Variants in PCDHGA4 observed in about 807,000 individuals in gnomAD.
The protein encoded by PCDHGA4 is protocadherin gamma subfamily A, 4.
Under a neutral mutation model 54.6 loss-of-function variants are expected in PCDHGA4, and 38 were observed. That is an observed-to-expected ratio of 0.70 (90% CI 0.54 to 0.91). The LOEUF is 0.91. PCDHGA4 is among the 40% of genes least tolerant of loss of function. The pLI is 0.00. For synonymous variants in PCDHGA4, 511 were observed against 512.9 expected, an observed-to-expected ratio of 1.00 and a Z score of 0.05; for missense variants, 1,298 against 1,220.9, an observed-to-expected ratio of 1.06 and a Z score of -0.94.
At chr5:141,360,983 A>G in intron 1 of PCDHGA4, 2 of 1,613,804 alleles carry the variant, frequency 1.2e-6, no homozygotes, top group Non-Finnish European at 1.7e-6. Flanking sequence ...TCCTTTCATA[A>G]TGTGGACGAA....
In PCDHGA4 at chr5:141,476,574, G is replaced by C. The variant is rs746783993; in HGVS notation, c.2515-18233G>C. The C allele has an allele frequency of 1.1e-5, 18 of 1,614,084 alleles. No homozygotes were observed. The Admixed American group carries it at 1.8e-4, about 16-fold the overall frequency. On this transcript the variant is annotated intron_variant, in intron 1 of 3. Coordinates refer to ENST00000571252, the MANE Select transcript of PCDHGA4 (RefSeq NM_018917.4). The surrounding 1 kb of genome is among the most constrained non-coding windows in gnomAD (Gnocchi z 7.6). ...AGCGAGGCCGTGGCTCCGGGGACGC[G>C]CTTTCCGCTCGAGAGCGCGCACGAT...
chr5:141,458,367 G>A (rs1297876142), intron 1 of PCDHGA4, among the ~76,000 whole-genome samples: 2 of 152,130 alleles, frequency 1.3e-5, no homozygotes, highest in African/African-American at 2.4e-5. Context: ...AGAAGGAAGG[G>A]AGAAGAGAGA....
In PCDHGA4 at chr5:141,432,677, C is replaced by T. The variant is rs1241190176; in HGVS notation, c.2515-62130C>T. On this transcript the variant is annotated intron_variant, in intron 1 of 3. Transcript: ENST00000571252. This position sits in a 1 kb window ranked among gnomAD's most constrained non-coding sequence, Gnocchi z 6.0. ...CCTGCTGGACAGAGACGCGCTCAAGCAGAGCCTCGTAGTGGCCGTCCAGGA... is the reference window on the plus strand; with the variant it reads ...CCTGCTGGACAGAGACGCGCTCAAGTAGAGCCTCGTAGTGGCCGTCCAGGA... The T allele has an allele frequency of 1.2e-6, 2 of 1,613,942 alleles. No individual in the cohort carries two copies. The highest frequency in any genetic ancestry group is 1.1e-5 in the South Asian group (1 of 91,076).
intron 1 of PCDHGA4, chr5:141,366,752 G>A: frequency 1.2e-6 from 2 of 1,607,644 alleles, no homozygotes; most frequent in Non-Finnish European, 1.7e-6. Flanking sequence ...GCGAGTTCAG[G>A]TTAGTTTTCT....
At chr5:141,495,771 C>T (rs941051365) in intron 2 of PCDHGA4, among the ~76,000 whole-genome samples, 1 of 152,110 alleles carries the variant, frequency 6.6e-6, no homozygotes, top group Non-Finnish European at 1.5e-5. Flanking sequence ...TGTCCTTGTC[C>T]TGGACCTCTT....
In PCDHGA4 at chr5:141,431,354, G is replaced by T. The variant is rs777198567; in HGVS notation, c.2515-63453G>T. The T allele has an allele frequency of 1.9e-6, 3 of 1,614,036 alleles. No individual in the cohort carries two copies. In the South Asian group the frequency reaches 3.3e-5, roughly 18 times the overall value. ...GTACCCCGAATTGGTGCTGAAACGC[G>T]CCCTGGACCGCGAAGAAAAGGCTGC... On this transcript the variant is annotated intron_variant, in intron 1 of 3. Coordinates refer to ENST00000571252, the MANE Select transcript of PCDHGA4 (RefSeq NM_018917.4). This position sits in a 1 kb window ranked among gnomAD's most constrained non-coding sequence, Gnocchi z 4.8.
intron 1 of PCDHGA4, chr5:141,423,597 G>A: frequency 6.2e-7 from 1 of 1,613,188 alleles, no homozygotes; most frequent in Non-Finnish European, 8.5e-7. Context: ...AGAAAAGCGA[G>A]CCACTCTTGA....
Position 141,487,333 on chromosome 5 carries a change from C to T in PCDHGA4, c.2515-7474C>T. 6.2e-7 allele frequency: 1 copy of T among 1,614,176 alleles called. No homozygotes were observed. The highest frequency in any genetic ancestry group is 8.5e-7 in the Non-Finnish European group (1 of 1,180,022). On this transcript the variant is annotated intron_variant, in intron 1 of 3. Transcript: ENST00000571252. The surrounding 1 kb of genome is among the most constrained non-coding windows in gnomAD (Gnocchi z 5.0). ...TCTCTAAGTGTCTTCGTGGGGCAGC[C>T]TGTGGAGTCACATGCTTTCCTGCTG...
In PCDHGA4 at chr5:141,477,101, G is replaced by A. The variant is rs770640663; in HGVS notation, c.2515-17706G>A. On this transcript the variant is annotated intron_variant, in intron 1 of 3. Transcript: ENST00000571252. The surrounding 1 kb of genome is among the most constrained non-coding windows in gnomAD (Gnocchi z 4.9). ...TTACATCCAGGCCAAAGACAAGGGC[G>A]CCAATCCCGAAGGAGCACATTGCAA... 2 of 1,614,262 alleles carry A rather than the reference G, an allele frequency of 1.2e-6. No individual in the cohort carries two copies. Among genetic ancestry groups the A allele is most frequent in the East Asian group, 2.2e-5 (1 of 44,884 alleles).
rs200576950 is a variant in PCDHGA4 at position 141,477,475 on chromosome 5, C to T, written c.2515-17332C>T. The T allele has an allele frequency of 1.2e-6, 2 of 1,614,124 alleles. No individual in the cohort carries two copies. Among genetic ancestry groups the T allele is most frequent in the African/African-American group, 2.7e-5 (2 of 75,010 alleles). ...TTCAAGTGTCCGACATCAATGACAACCCTCCACAATCTTCTCAATCTTCCT... is the reference window on the plus strand; with the variant it reads ...TTCAAGTGTCCGACATCAATGACAATCCTCCACAATCTTCTCAATCTTCCT... On this transcript the variant is annotated intron_variant, in intron 1 of 3. Transcript: ENST00000571252. The surrounding 1 kb of genome is among the most constrained non-coding windows in gnomAD (Gnocchi z 4.9).
At chr5:141,418,899 T>C (rs1320380997) in intron 1 of PCDHGA4, 1 of 1,613,944 alleles carries the variant, frequency 6.2e-7, no homozygotes. Flanking sequence ...AGCCCAGAAA[T>C]AATCATCACG....
chr5:141,365,320 C>A (rs1763848662), intron 1 of PCDHGA4: 1 of 1,613,992 alleles, frequency 6.2e-7, no homozygotes, highest in Non-Finnish European at 8.5e-7. Flanking sequence ...TTGTTGCCAG[C>A]GCTAAGGTGG....
chr5:141,381,826 C>CTTCTT (rs1777532522), intron 1 of PCDHGA4, among the ~76,000 whole-genome samples: 13 of 74,294 alleles, frequency 1.7e-4, no homozygotes, highest in South Asian at 5.2e-4. Context: ...CTTTCTTCTT[C>CTTCTT]TTTTTTTTTT....
At chr5:141,364,465 CG>C in intron 1 of PCDHGA4, 1 of 1,613,982 alleles carries the variant, frequency 6.2e-7, no homozygotes, top group South Asian at 1.1e-5. Context: ...GCTCCTTCGT[CG>C]GCAACATAGC....
At position 141,370,360 on chromosome 5, in the gene PCDHGA4, C is replaced by T. The variant is rs775816151; in HGVS notation, c.2514+12739C>T. 2.2e-5 allele frequency: 34 copies of T among 1,516,792 alleles called. No homozygotes were observed. In the South Asian group the frequency reaches 4.3e-4, roughly 19 times the overall value. The allele number at this position is 1,516,792 out of a possible 1,614,324, so 94.0% of individuals were successfully genotyped here. Reference sequence around the variant, plus strand: ...TGGGATTATTTAAAGATCTCCTCTCCTCGGATTTAGAAAGGCAAAGGCGCA... The same window carrying T: ...TGGGATTATTTAAAGATCTCCTCTCTTCGGATTTAGAAAGGCAAAGGCGCA... On this transcript the variant is annotated intron_variant, in intron 1 of 3. Transcript: ENST00000571252.
chr5:141,405,400 T>C (rs986034251), intron 1 of PCDHGA4: 3 of 1,590,732 alleles, frequency 1.9e-6, no homozygotes, highest in Non-Finnish European at 2.6e-6. Flanking sequence ...TTTTCTTTCT[T>C]TCTTTTCTTT....
intron 1 of PCDHGA4, chr5:141,367,477 C>A (rs1199717010): frequency 6.6e-6 from 1 of 152,048 alleles, no homozygotes; most frequent in Non-Finnish European, 1.5e-5. Context: ...GAGGAGCTTG[C>A]AGTAAGCCGA....
At chr5:141,365,049 C>T in intron 1 of PCDHGA4, 1 of 1,613,898 alleles carries the variant, frequency 6.2e-7, no homozygotes, top group Non-Finnish European at 8.5e-7. Flanking sequence ...GACAATGCGC[C>T]CCTGTTCACC....
intron 1 of PCDHGA4, chr5:141,383,954 T>C: frequency 6.2e-7 from 1 of 1,613,650 alleles, no homozygotes; most frequent in Non-Finnish European, 8.5e-7. Flanking sequence ...ATGACGTCTT[T>C]AAGTAGCTCA....
Sources: allele counts gnomAD v4.1 joint callset (sites outside exome capture counted in the v4.1 genomes callset), GRCh38; gene constraint gnomAD v4.1.1; non-coding constraint Gnocchi (gnomAD v3.1); transcripts MANE v1.5; gene names NCBI Gene and HGNC (gene_info 2026-07-23, HGNC 2026-07-21).